The following ABL1 variants were observed in gnomAD, a reference collection of about 807,000 sequenced individuals.
The protein encoded by ABL1 is ABL proto-oncogene 1, non-receptor tyrosine kinase, also known as tyrosine-protein kinase ABL1.
Under a neutral mutation model 94.7 loss-of-function variants are expected in ABL1, and 11 were observed. That is an observed-to-expected ratio of 0.12 (90% confidence interval 0.07 to 0.19). The LOEUF is 0.19. Ranked by LOEUF, ABL1 falls within the 10% of genes least tolerant of loss-of-function variation. ABL1 has a pLI of 1.00. For synonymous variants in ABL1, 656 were observed against 622.4 expected (o/e 1.05, Z -0.80); for missense variants, 1,082 against 1,489.4 (o/e 0.73, Z 4.50).
At chr9:130,765,862 G>A (rs981359973) in intron 1 of ABL1, among the ~76,000 whole-genome samples, 2 of 152,168 alleles carry the variant, frequency 1.3e-5, no homozygotes, top group African/African-American at 4.8e-5. Context: ...CTTAATCCTG[G>A]CAATGACCAA....
At chr9:130,860,496 TA>T (rs1369264754) in intron 3 of ABL1, among the ~76,000 whole-genome samples, 1 of 152,182 alleles carries the variant, frequency 6.6e-6, no homozygotes, top group Non-Finnish European at 1.5e-5. Flanking sequence ...GGGGAGCCCT[TA>T]GCATTCCACT....
chr9:130,827,022 G>A (rs1246654943), intron 1 of ABL1, among the ~76,000 whole-genome samples: 14 of 152,130 alleles, frequency 9.2e-5, no homozygotes. Flanking sequence ...AGCTTGCAGT[G>A]AGCCGAGATG....
At chr9:130,756,191 A>G (rs1231930755) in intron 1 of ABL1, among the ~76,000 whole-genome samples, 1 of 152,206 alleles carries the variant, frequency 6.6e-6, no homozygotes, top group Non-Finnish European at 1.5e-5. Context: ...AAGGCAGTTG[A>G]CTTTGGGAGG....
Position 130,872,311 on chromosome 9 carries a change from C to A in ABL1, c.907+98C>A. ...CGCACGGGCGGCTCACTGCACAAAA[C>A]CTCGTTGGAATATTTGTGCTCTGCC... On this transcript the variant is annotated intron_variant, in intron 5 of 10. Coordinates refer to ENST00000318560, the MANE Select transcript of ABL1 (RefSeq NM_005157.6). The surrounding 1 kb of genome is among the most constrained non-coding windows in gnomAD (Gnocchi z 5.0). The A allele has an allele frequency of 1.8e-6, 2 of 1,124,226 alleles. No individual in the cohort carries two copies. The highest frequency in any genetic ancestry group is 2.6e-6 in the Non-Finnish European group (2 of 773,952). The allele number at this position is 1,124,226 out of a possible 1,614,324, so 69.6% of individuals were successfully genotyped here.
intron 1 of ABL1, among the ~76,000 whole-genome samples, chr9:130,828,237 A>AT (rs1411522101): frequency 2.0e-5 from 3 of 151,970 alleles, no homozygotes; most frequent in East Asian, 3.9e-4. Flanking sequence ...TAATTTTTAA[A>AT]TTTTTTGTAG....
At chr9:130,828,011 A>G (rs1365376448) in intron 1 of ABL1, among the ~76,000 whole-genome samples, 2 of 151,818 alleles carry the variant, frequency 1.3e-5, no homozygotes, top group Non-Finnish European at 1.5e-5. Context: ...GAGAGATTGC[A>G]AATGTCAGAA....
chr9:130,733,840 T>C (rs1019170621), intron 1 of ABL1, among the ~76,000 whole-genome samples: 1 of 152,104 alleles, frequency 6.6e-6, no homozygotes, highest in African/African-American at 2.4e-5. Context: ...TCCGCCCGCC[T>C]CGGCCTCCCA....
chr9:130,881,877 TAA>T (rs142934106), intron 10 of ABL1, among the ~76,000 whole-genome samples: 9 of 138,572 alleles, frequency 6.5e-5, no homozygotes, highest in Middle Eastern at 7.4e-3. Flanking sequence ...CTCTCATTAG[TAA>T]AAAAAAAACA....
intron 1 of ABL1, among the ~76,000 whole-genome samples, chr9:130,818,792 A>G (rs1338661782): frequency 6.6e-6 from 1 of 152,182 alleles, no homozygotes; most frequent in Non-Finnish European, 1.5e-5. Context: ...GCATGCATGT[A>G]TGGGTCACTT....
intron 1 of ABL1, among the ~76,000 whole-genome samples, chr9:130,787,046 C>T (rs1829836476): frequency 6.6e-6 from 1 of 152,182 alleles, no homozygotes; most frequent in Non-Finnish European, 1.5e-5. Context: ...TCCTTAGGCT[C>T]TGCAATATTC....
chr9:130,862,705 T>G lies in ABL1; in HGVS notation c.550-58T>G. The G allele has an allele frequency of 1.1e-5, 18 of 1,576,348 alleles. No individual in the cohort carries two copies. The highest frequency in any genetic ancestry group is 2.4e-5 in the South Asian group (2 of 84,508). On this transcript the variant is annotated intron_variant, in intron 3 of 10. Coordinates refer to ENST00000318560, the MANE Select transcript of ABL1 (RefSeq NM_005157.6). This position sits in a 1 kb window ranked among gnomAD's most constrained non-coding sequence, Gnocchi z 5.5. ...TAAGGCTCAGCCAAACTGGCTCACGTGAGCTCTTTGAGCTTGCCTGTCTCT... is the reference window on the plus strand; with the variant it reads ...TAAGGCTCAGCCAAACTGGCTCACGGGAGCTCTTTGAGCTTGCCTGTCTCT...
chr9:130,824,892 C>T (rs1830405276), intron 1 of ABL1, among the ~76,000 whole-genome samples: 1 of 152,096 alleles, frequency 6.6e-6, no homozygotes, highest in African/African-American at 2.4e-5. Context: ...TTTAGAGATC[C>T]CATTGCTCCT....
At chr9:130,746,952 A>G (rs952364293) in intron 1 of ABL1, among the ~76,000 whole-genome samples, 1 of 152,144 alleles carries the variant, frequency 6.6e-6, no homozygotes, top group African/African-American at 2.4e-5. Flanking sequence ...CAGAGACTCC[A>G]GGAGAGAAAT....
chr9:130,815,542 T>C (rs1003081138), intron 1 of ABL1, among the ~76,000 whole-genome samples: 2 of 152,170 alleles, frequency 1.3e-5, no homozygotes, highest in African/African-American at 4.8e-5. Flanking sequence ...AGGTCACCTC[T>C]GCTTGTCCAA....
At chr9:130,750,650 T>TC (rs1319506103) in intron 1 of ABL1, among the ~76,000 whole-genome samples, 7 of 125,878 alleles carry the variant, frequency 5.6e-5, no homozygotes, top group Admixed American at 3.9e-4. Flanking sequence ...CTTTCTTTTT[T>TC]TTTTTTTTTT....
intron 1 of ABL1, among the ~76,000 whole-genome samples, chr9:130,753,174 G>T (rs111538674): frequency 3.4e-5 from 5 of 146,988 alleles, no homozygotes; most frequent in East Asian, 2.1e-4. Flanking sequence ...GGAGAATGGC[G>T]TGAACCCGGG....
chr9:130,838,120 T>C (rs7856783), intron 1 of ABL1, among the ~76,000 whole-genome samples: 33,369 of 152,174 alleles, frequency 0.22, 4,545 homozygotes, highest in African/African-American at 0.38. Flanking sequence ...GATAGCACTA[T>C]GATTATTTCC....
chr9:130,785,373 C>T (rs1588238080), intron 1 of ABL1, among the ~76,000 whole-genome samples: 1 of 152,146 alleles, frequency 6.6e-6, no homozygotes, highest in Admixed American at 6.5e-5. Flanking sequence ...TGCCCTGGGC[C>T]AGCTCTGGAT....
intron 2 of ABL1, 43 bp downstream of exon 2, chr9:130,854,280 A>T: frequency 6.3e-7 from 1 of 1,595,328 alleles, no homozygotes; most frequent in Non-Finnish European, 8.5e-7. Flanking sequence ...CAGGAGATAG[A>T]AATCTGGGAA....
Sources: gnomAD v4.1 joint callset for allele counts (sites outside exome capture counted in the v4.1 genomes callset) on GRCh38, gnomAD v4.1.1 for gene constraint, Gnocchi (gnomAD v3.1) non-coding constraint, MANE v1.5 for transcripts, NCBI Gene and HGNC (gene_info 2026-07-23, HGNC 2026-07-21) for gene names.